The following TMEM64 variants were observed in gnomAD, a reference collection of about 807,000 sequenced individuals.
The protein encoded by TMEM64 is transmembrane protein 64.
In TMEM64, 19 loss-of-function variants were observed where a neutral mutation model predicts 24.5. That is an observed-to-expected ratio of 0.78 (90% CI 0.54 to 1.14). TMEM64 has a LOEUF of 1.14. Among genes scored for constraint, TMEM64 ranks in the 50% most tolerant of loss-of-function variants. The pLI, the probability that TMEM64 is intolerant of heterozygous loss-of-function variation, is 0.00. For synonymous variants in TMEM64, 262 were observed against 224.7 expected (o/e 1.17, Z -1.49); for missense variants, 487 against 493.0 (o/e 0.99, Z 0.12).
intron 1 of TMEM64, among the ~76,000 whole-genome samples, chr8:90,634,810 C>G (rs75852394): frequency 0.019 from 2,945 of 152,236 alleles, 79 homozygotes; most frequent in African/African-American, 0.067. Flanking sequence ...AAGCTACTGG[C>G]CACTATATTA....
chr8:90,645,119 C>A lies in TMEM64; in HGVS notation c.787G>T (p.Val263Leu), dbSNP rs1344247999. Residue 263 changes from valine (V) to leucine (L), a missense_variant, in exon 1 of 3, where the codon GTG becomes TTG. Val to Leu is a conservative substitution (Grantham distance 32, BLOSUM62 1). Transcript: ENST00000458549. This position sits in a 1 kb window ranked among gnomAD's most constrained non-coding sequence, Gnocchi z 4.2. The stretch of plus-strand genomic sequence containing the variant: ...AGCGGGACCCCACTTACCGAAAACA[C>A]TGCATTCTGAAGCCCAAAAGGTATG... ...TPIPFGLQNAVFSITDLSLPN... is the reference protein window; with the variant it reads ...TPIPFGLQNALFSITDLSLPN... 1 of 1,605,152 alleles carries A rather than the reference C, an allele frequency of 6.2e-7. No homozygotes were observed. Among genetic ancestry groups the A allele is most frequent in the East Asian group, 2.2e-5 (1 of 44,578 alleles).
chr8:90,635,620 G>A (rs745313288), intron 1 of TMEM64, among the ~76,000 whole-genome samples: 1 of 151,992 alleles, frequency 6.6e-6, no homozygotes. Flanking sequence ...AAGGTACCAG[G>A]GAGTCTAGTC....
chr8:90,644,790 A>G (rs1011803882), intron 1 of TMEM64, among the ~76,000 whole-genome samples: 1 of 152,252 alleles, frequency 6.6e-6, no homozygotes, highest in African/African-American at 2.4e-5. Context: ...CTGCTACAAA[A>G]GATGACAAGT....
intron 1 of TMEM64, among the ~76,000 whole-genome samples, chr8:90,636,503 G>A (rs11779312): frequency 0.36 from 55,350 of 151,920 alleles, 10,719 homozygotes; most frequent in East Asian, 0.72. Flanking sequence ...ATCTGCCTGC[G>A]TCGGCCTCCC....
At chr8:90,626,547 C>T (rs1170512956) in intron 2 of TMEM64, among the ~76,000 whole-genome samples, 2 of 151,780 alleles carry the variant, frequency 1.3e-5, no homozygotes, top group Non-Finnish European at 2.9e-5. Flanking sequence ...TAGCTATTCA[C>T]TAGTGATGTG....
chr8:90,641,980 A>T (rs970444212), intron 1 of TMEM64, among the ~76,000 whole-genome samples: 2 of 152,190 alleles, frequency 1.3e-5, no homozygotes, highest in African/African-American at 4.8e-5. Context: ...TGACACTGTA[A>T]ATGTTGGAAC....
chr8:90,641,269 C>T (rs1402253327), intron 1 of TMEM64, among the ~76,000 whole-genome samples: 2 of 152,196 alleles, frequency 1.3e-5, no homozygotes, highest in African/African-American at 4.8e-5. Context: ...ACACATAGCA[C>T]ACACATAAAT....
rs548970062 is a variant in TMEM64 at position 90,625,243 on chromosome 8, C to T, written c.*428G>A. 6.5e-6 allele frequency: 1 copy of T among 152,802 alleles called. No individual in the cohort carries two copies. The highest frequency in any genetic ancestry group is 2.4e-5 in the African/African-American group (1 of 41,406). The allele number at this position is 152,802 out of a possible 1,614,324, so 9.5% of individuals were successfully genotyped here. A position where few individuals can be genotyped will look rare whatever the true frequency, so the allele number is the denominator to read the frequency against. On this transcript the variant is annotated 3_prime_UTR_variant, in exon 3 of 3. Coordinates refer to ENST00000458549, the MANE Select transcript of TMEM64 (RefSeq NM_001008495.4). The stretch of plus-strand genomic sequence containing the variant: ...CTGTTTATCCTTTCTGGAAAGACTA[C>T]CAAAGCAAAGAACATCCAATAATAT...
At chr8:90,633,527 C>T (rs1444265593) in intron 1 of TMEM64, among the ~76,000 whole-genome samples, 2 of 152,174 alleles carry the variant, frequency 1.3e-5, no homozygotes, top group African/African-American at 2.4e-5. Flanking sequence ...TACAGCAATA[C>T]ATGACACACG....
At chr8:90,639,908 A>G (rs777007828) in intron 1 of TMEM64, among the ~76,000 whole-genome samples, 3 of 152,220 alleles carry the variant, frequency 2.0e-5, no homozygotes, top group Admixed American at 1.3e-4. Flanking sequence ...AATAAAACAT[A>G]CTCTATATAC....
At chr8:90,635,459 G>T (rs1174817098) in intron 1 of TMEM64, among the ~76,000 whole-genome samples, 1 of 151,746 alleles carries the variant, frequency 6.6e-6, no homozygotes, top group Non-Finnish European at 1.5e-5. Context: ...CAATGGCAGG[G>T]AAAGTACAGA....
At chr8:90,632,254 T>C (rs747190790) in intron 1 of TMEM64, among the ~76,000 whole-genome samples, 1 of 152,056 alleles carries the variant, frequency 6.6e-6, no homozygotes, top group Non-Finnish European at 1.5e-5. Context: ...TCAAGCAATT[T>C]TTCTGCCTCA....
chr8:90,638,531 C>T (rs1304420214), intron 1 of TMEM64, among the ~76,000 whole-genome samples: 1 of 152,166 alleles, frequency 6.6e-6, no homozygotes, highest in Admixed American at 6.5e-5. Context: ...AAGGTTTCAC[C>T]ATTTGTTTGC....
intron 1 of TMEM64, among the ~76,000 whole-genome samples, chr8:90,642,173 G>A (rs1809613874): frequency 6.6e-6 from 1 of 152,120 alleles, no homozygotes. Context: ...ACAATTACTG[G>A]GAAGTGACTA....
chr8:90,625,706 G>C lies in TMEM64; in HGVS notation c.1108C>G (p.Leu370Val). ...TTGATTCCACCTCCAGAAAATGTTAGGGTCCTCTTGTTGTAGAATGAAGAG... is the reference window on the plus strand; with the variant it reads ...TTGATTCCACCTCCAGAAAATGTTACGGTCCTCTTGTTGTAGAATGAAGAG... ...SGSSFYNKRT[L>V]TFSGGGINVV Residue 370 changes from leucine to valine, a missense_variant, in exon 3 of 3, where the codon CTA becomes GTA. Transcript: ENST00000458549. 6.2e-7 allele frequency: 1 copy of C among 1,613,746 alleles called. No individual in the cohort carries two copies.
In TMEM64 at chr8:90,645,091, G is replaced by A. The variant is rs745474745; in HGVS notation, c.795+20C>T. ...CAAAAACAGACTTGGAGAGGGATAGGCCAGCGGGACCCCACTTACCGAAAA... is the reference window on the plus strand; with the variant it reads ...CAAAAACAGACTTGGAGAGGGATAGACCAGCGGGACCCCACTTACCGAAAA... On this transcript the variant is annotated intron_variant, in intron 1 of 2. Coordinates refer to ENST00000458549, the MANE Select transcript of TMEM64 (RefSeq NM_001008495.4). This position sits in a 1 kb window ranked among gnomAD's most constrained non-coding sequence, Gnocchi z 4.2. 2 of 1,587,890 alleles carry A rather than the reference G, an allele frequency of 1.3e-6. No individual in the cohort carries two copies. The highest frequency in any genetic ancestry group is 8.6e-7 in the Non-Finnish European group (1 of 1,163,266).
chr8:90,644,620 T>C (rs1322706743), intron 1 of TMEM64, among the ~76,000 whole-genome samples: 2 of 152,218 alleles, frequency 1.3e-5, no homozygotes, highest in Non-Finnish European at 2.9e-5. Context: ...AAAAGCCCAT[T>C]TCAAATTTAG....
chr8:90,641,731 A>G (rs1809607397), intron 1 of TMEM64, among the ~76,000 whole-genome samples: 1 of 152,220 alleles, frequency 6.6e-6, no homozygotes, highest in Non-Finnish European at 1.5e-5. Context: ...TAAATAAGTT[A>G]TGTGTGCATG....
chr8:90,635,447 T>A (rs1457015837), intron 1 of TMEM64, among the ~76,000 whole-genome samples: 3 of 151,776 alleles, frequency 2.0e-5, no homozygotes, highest in Non-Finnish European at 4.4e-5. Context: ...CAGGCTAGAG[T>A]GCAATGGCAG....
Sources: allele counts gnomAD v4.1 joint callset (sites outside exome capture counted in the v4.1 genomes callset), GRCh38; gene constraint gnomAD v4.1.1; non-coding constraint Gnocchi (gnomAD v3.1); transcripts MANE v1.5; gene names NCBI Gene and HGNC (gene_info 2026-07-23, HGNC 2026-07-21).